Variants in ABI1 observed in about 807,000 individuals in gnomAD.
ABI1 encodes Abelson interactor 1.
Under a neutral mutation model 54.6 loss-of-function variants are expected in ABI1, and 14 were observed. That is an observed-to-expected ratio of 0.26 (90% CI 0.17 to 0.40). The LOEUF (loss-of-function observed/expected upper bound fraction) is 0.40, where lower values mean the gene tolerates loss of function less well. Ranked by LOEUF, ABI1 falls within the 10% of genes least tolerant of loss-of-function variation. The pLI, the probability that ABI1 is intolerant of heterozygous loss-of-function variation, is 1.00. For missense variants in ABI1, 443 were observed against 598.3 expected (o/e 0.74, Z 2.71); for synonymous variants, 194 against 209.3 (o/e 0.93, Z 0.63).
intron 2 of ABI1, among the ~76,000 whole-genome samples, chr10:26,807,777 T>C (rs1379773639): frequency 6.6e-6 from 1 of 152,132 alleles, no homozygotes; most frequent in African/African-American, 2.4e-5. Flanking sequence ...CTGTCTAGCA[T>C]GGTGCAAAAC....
At chr10:26,780,208 G>A (rs912686534) in intron 2 of ABI1, among the ~76,000 whole-genome samples, 1 of 152,090 alleles carries the variant, frequency 6.6e-6, no homozygotes, top group African/African-American at 2.4e-5. Flanking sequence ...AAACAGAAAT[G>A]GATACCATCC....
At chr10:26,760,339 G>A (rs1021606469) in intron 7 of ABI1, among the ~76,000 whole-genome samples, 2 of 152,108 alleles carry the variant, frequency 1.3e-5, no homozygotes, top group African/African-American at 4.8e-5. Flanking sequence ...CAGCGTCCTA[G>A]TTTATCTTCA....
chr10:26,807,422 C>T (rs1041936781), intron 2 of ABI1, among the ~76,000 whole-genome samples: 1 of 152,010 alleles, frequency 6.6e-6, no homozygotes, highest in African/African-American at 2.4e-5. Flanking sequence ...GACAAGGCTG[C>T]AGTGAACCAT....
intron 2 of ABI1, among the ~76,000 whole-genome samples, chr10:26,801,631 T>C (rs531946329): frequency 6.6e-6 from 1 of 152,320 alleles, no homozygotes; most frequent in South Asian, 2.1e-4. Flanking sequence ...TCTCAAACTG[T>C]TCAAAATAAA....
intron 1 of ABI1, among the ~76,000 whole-genome samples, chr10:26,841,399 C>CAT (rs2049490861): frequency 1.4e-5 from 2 of 140,298 alleles, no homozygotes; most frequent in Non-Finnish European, 3.1e-5. Context: ...ACATAGTTAC[C>CAT]TTTTTTTTTT....
At position 26,860,803 on chromosome 10, in the gene ABI1, C is replaced by G. The variant is rs1027756482; in HGVS notation, c.61G>C (p.Glu21Gln). 6 of 1,614,096 alleles carry G rather than the reference C, an allele frequency of 3.7e-6. No homozygotes were observed. In the African/African-American group the frequency reaches 6.7e-5, roughly 18 times the overall value. The change falls in exon 1 of 11, where the codon GAG becomes CAG. Residue 21 changes from glutamate (E) to glutamine (Q), a missense_variant. Transcript: ENST00000376140. The surrounding 1 kb of genome is among the most constrained non-coding windows in gnomAD (Gnocchi z 4.1). ...EIPSGKRALI[E>Q]SYQNLTRVAD... ...ACCCGAGTCAGGTTCTGGTAACTCT[C>G]GATCAGCGCCCTCTTGCCAGACGGG... is the stretch of plus-strand genomic sequence containing the variant.
At chr10:26,849,627 T>C (rs1342070415) in intron 1 of ABI1, among the ~76,000 whole-genome samples, 1 of 152,224 alleles carries the variant, frequency 6.6e-6, no homozygotes, top group African/African-American at 2.4e-5. Context: ...GACATTTTCC[T>C]AAAAATGAAT....
chr10:26,766,352 G>A (rs758790861), intron 6 of ABI1, among the ~76,000 whole-genome samples: 3 of 152,122 alleles, frequency 2.0e-5, no homozygotes, highest in Non-Finnish European at 4.4e-5. Context: ...GTTGTTTATA[G>A]TAATGTGTGT....
At chr10:26,797,317 G>T (rs558429980) in intron 2 of ABI1, among the ~76,000 whole-genome samples, 1 of 152,220 alleles carries the variant, frequency 6.6e-6, no homozygotes, top group South Asian at 2.1e-4. Context: ...TTATAAGAAT[G>T]AATTAATTCA....
At chr10:26,799,084 A>G (rs1332965697) in intron 2 of ABI1, among the ~76,000 whole-genome samples, 1 of 152,220 alleles carries the variant, frequency 6.6e-6, no homozygotes, top group Admixed American at 6.5e-5. Context: ...TAAATTCAAT[A>G]GTACTCCTAT....
At chr10:26,766,608 C>G (rs1839983141) in intron 6 of ABI1, among the ~76,000 whole-genome samples, 1 of 152,162 alleles carries the variant, frequency 6.6e-6, no homozygotes, top group Non-Finnish European at 1.5e-5. Flanking sequence ...CTCCCTAACT[C>G]CCTCAAGCCA....
intron 8 of ABI1, among the ~76,000 whole-genome samples, chr10:26,757,225 C>T (rs541408003): frequency 2.6e-5 from 4 of 152,232 alleles, no homozygotes; most frequent in African/African-American, 9.6e-5. Flanking sequence ...ACTACTACTA[C>T]AACACCAACA....
intron 7 of ABI1, among the ~76,000 whole-genome samples, chr10:26,761,617 C>CATATATATATATATATATATATAT (rs1164854399): frequency 2.0e-5 from 1 of 49,836 alleles, no homozygotes; most frequent in African/African-American, 9.3e-5. Context: ...TAGTTTTTGT[C>CATATATATATATATATATATATAT]ATATATATAT....
intron 1 of ABI1, among the ~76,000 whole-genome samples, chr10:26,851,116 GGT>G (rs2050351886): frequency 1.3e-5 from 2 of 152,146 alleles, no homozygotes; most frequent in Non-Finnish European, 2.9e-5. Context: ...GCAACATGGA[GGT>G]TATTAGCATT....
chr10:26,769,225 T>G (rs544300704), intron 5 of ABI1, among the ~76,000 whole-genome samples: 5 of 152,312 alleles, frequency 3.3e-5, no homozygotes, highest in Non-Finnish European at 7.4e-5. Flanking sequence ...AAGGGTAATT[T>G]AAAGTCCTAA....
chr10:26,858,552 A>C lies in ABI1; in HGVS notation c.117+2195T>G, dbSNP rs1178483214. ...CACAAAAAAAGAAAAAAAAAAAAAA[A>C]AAAAAAAAAAACGGGGCCACTGACT... is the stretch of plus-strand genomic sequence containing the variant. On this transcript the variant is annotated intron_variant, in intron 1 of 10. Coordinates refer to ENST00000376140, the MANE Select transcript of ABI1 (RefSeq NM_001012750.3). Among the ~76,000 whole-genome samples the C allele has an allele frequency of 1.4e-4, 21 of 149,202 alleles. 1 individual carries two copies. The highest frequency in any genetic ancestry group is 1.0e-3 in the East Asian group (5 of 4,778).
chr10:26,785,169 GA>G, intron 2 of ABI1, among the ~76,000 whole-genome samples: 1 of 152,342 alleles, frequency 6.6e-6, no homozygotes, highest in African/African-American at 2.4e-5. Flanking sequence ...AGTGACAAAT[GA>G]AGTTGCATAA....
chr10:26,781,963 C>T (rs1475962504), intron 2 of ABI1, among the ~76,000 whole-genome samples: 2 of 152,140 alleles, frequency 1.3e-5, no homozygotes, highest in Non-Finnish European at 2.9e-5. Flanking sequence ...GATGCAGAGG[C>T]TGCCACCTCA....
intron 2 of ABI1, among the ~76,000 whole-genome samples, chr10:26,821,378 G>A (rs1392670242): frequency 6.6e-6 from 1 of 151,826 alleles, no homozygotes; most frequent in African/African-American, 2.4e-5. Flanking sequence ...GGCCAAAGAT[G>A]TTTTTAATAT....
Sources: gnomAD v4.1 joint callset for allele counts (sites outside exome capture counted in the v4.1 genomes callset) on GRCh38, gnomAD v4.1.1 for gene constraint, Gnocchi (gnomAD v3.1) non-coding constraint, MANE v1.5 for transcripts, NCBI Gene and HGNC (gene_info 2026-07-23, HGNC 2026-07-21) for gene names.